The following TRABD2A variants were observed in gnomAD, a reference collection of about 807,000 sequenced individuals.
TRABD2A encodes TraB domain containing 2A.
TRABD2A carries 43 observed loss-of-function variants against 45.6 expected under a neutral mutation model. That is an observed-to-expected ratio of 0.94 (90% CI 0.74 to 1.22). The LOEUF is 1.22. Among genes scored for constraint, TRABD2A ranks in the 50% most tolerant of loss-of-function variants. TRABD2A has a pLI of 0.00. For missense variants in TRABD2A, 642 were observed against 652.4 expected (o/e 0.98, Z 0.17); for synonymous variants, 269 against 265.0 (o/e 1.02, Z -0.15).
At chr2:84,845,296 G>C (rs1018455511) in intron 2 of TRABD2A, among the ~76,000 whole-genome samples, 1 of 152,206 alleles carries the variant, frequency 6.6e-6, no homozygotes, top group African/African-American at 2.4e-5. Context: ...AGGTTGCAGT[G>C]AGCTGAGATT....
chr2:84,855,937 G>A (rs1452323375), intron 2 of TRABD2A, among the ~76,000 whole-genome samples: 4 of 152,070 alleles, frequency 2.6e-5, no homozygotes, highest in Admixed American at 2.0e-4. Flanking sequence ...ATTCCCCTCA[G>A]ATCAAAGACC....
At chr2:84,833,630 A>T (rs1207242685) in intron 4 of TRABD2A, 1 of 152,074 alleles carries the variant, frequency 6.6e-6, no homozygotes, top group African/African-American at 2.4e-5. Flanking sequence ...AGCACACGGT[A>T]ATGTGTTTCG....
At chr2:84,869,176 T>C (rs1204553432) in intron 2 of TRABD2A, among the ~76,000 whole-genome samples, 3 of 152,234 alleles carry the variant, frequency 2.0e-5, no homozygotes, top group African/African-American at 7.2e-5. Context: ...TAGTTCAGTA[T>C]GTCAAGATCT....
chr2:84,843,523 A>C (rs1559088987), intron 2 of TRABD2A: 1 of 152,214 alleles, frequency 6.6e-6, no homozygotes, highest in Non-Finnish European at 1.5e-5. Flanking sequence ...CTACAACAAA[A>C]TGCCTGAGAC....
intron 2 of TRABD2A, among the ~76,000 whole-genome samples, chr2:84,864,846 G>T (rs1222994918): frequency 6.6e-6 from 1 of 152,160 alleles, no homozygotes; most frequent in African/African-American, 2.4e-5. Flanking sequence ...CATCCTCAAA[G>T]AATCTGACCC....
At chr2:84,829,646 C>T (rs989928542) in intron 5 of TRABD2A, among the ~76,000 whole-genome samples, 1 of 150,598 alleles carries the variant, frequency 6.6e-6, no homozygotes. Flanking sequence ...ACGTACACAA[C>T]ACACACATCA....
At chr2:84,840,724 G>A (rs1055288829) in intron 3 of TRABD2A, among the ~76,000 whole-genome samples, 13 of 152,138 alleles carry the variant, frequency 8.5e-5, no homozygotes, top group Non-Finnish European at 1.5e-4. Flanking sequence ...CCCTCAGCAA[G>A]AGTGCAGGTA....
chr2:84,843,474 G>T (rs1042386394), intron 2 of TRABD2A: 2 of 152,208 alleles, frequency 1.3e-5, no homozygotes, highest in African/African-American at 4.8e-5. Flanking sequence ...AGGTGGCACA[G>T]GCCCACTGCG....
At chr2:84,857,524 CATCTGAATGATTATCAACTAT>C (rs1203389405) in intron 2 of TRABD2A, among the ~76,000 whole-genome samples, 2 of 152,198 alleles carry the variant, frequency 1.3e-5, no homozygotes, top group Non-Finnish European at 2.9e-5. Context: ...CTAAGCAGTT[CATCTGAATGATTATCAACTAT>C]ATCAGTTCCA....
chr2:84,837,123 A>G (rs1370177254), intron 4 of TRABD2A: 2 of 150,018 alleles, frequency 1.3e-5, no homozygotes, highest in Non-Finnish European at 2.9e-5. Context: ...CCTCCCAAGT[A>G]GCTGGGATTA....
At chr2:84,859,974 C>G (rs1573943145) in intron 2 of TRABD2A, among the ~76,000 whole-genome samples, 2 of 152,078 alleles carry the variant, frequency 1.3e-5, no homozygotes, top group Admixed American at 1.3e-4. Context: ...CTATGTTGTC[C>G]AGGCTGGTCT....
intron 2 of TRABD2A, among the ~76,000 whole-genome samples, chr2:84,859,570 G>A (rs146122703): frequency 2.7e-4 from 41 of 152,352 alleles, no homozygotes; most frequent in African/African-American, 9.4e-4. Flanking sequence ...CAGACGCTAT[G>A]AGTTCAGGAG....
At chr2:84,876,526 T>C (rs1005325185) in intron 1 of TRABD2A, among the ~76,000 whole-genome samples, 1 of 152,182 alleles carries the variant, frequency 6.6e-6, no homozygotes, top group Admixed American at 6.5e-5. Flanking sequence ...GACCTCTGGA[T>C]TGAGCAACAC....
At chr2:84,857,770 C>G (rs1682364848) in intron 2 of TRABD2A, among the ~76,000 whole-genome samples, 1 of 152,182 alleles carries the variant, frequency 6.6e-6, no homozygotes, top group Non-Finnish European at 1.5e-5. Flanking sequence ...GAGGCAACCT[C>G]CAACACCACT....
chr2:84,826,723 G>A (rs1359358961), intron 5 of TRABD2A, among the ~76,000 whole-genome samples: 3 of 152,088 alleles, frequency 2.0e-5, no homozygotes, highest in Non-Finnish European at 4.4e-5. Flanking sequence ...TAGTAGAGAC[G>A]AGGTTTCACC....
chr2:84,852,003 G>A (rs1278759406), intron 2 of TRABD2A, among the ~76,000 whole-genome samples: 1 of 152,180 alleles, frequency 6.6e-6, no homozygotes, highest in Non-Finnish European at 1.5e-5. Flanking sequence ...CCTTGGCACA[G>A]GCTGTGGAGC....
chr2:84,877,539 AG>A (rs768881579), intron 1 of TRABD2A, among the ~76,000 whole-genome samples: 2 of 152,178 alleles, frequency 1.3e-5, no homozygotes, highest in African/African-American at 2.4e-5. Flanking sequence ...CTGGAGTTGA[AG>A]GTTACAATGA....
chr2:84,828,932 G>T (rs528984927), intron 5 of TRABD2A, among the ~76,000 whole-genome samples: 2 of 152,178 alleles, frequency 1.3e-5, no homozygotes, highest in Non-Finnish European at 2.9e-5. Flanking sequence ...AGAACTGGGG[G>T]TAGTGTGGGT....
In TRABD2A at chr2:84,829,363, A is replaced by AAC. The variant is rs146287038; in HGVS notation, c.1082+2690_1082+2691dup. Reference sequence around the variant, plus strand: ...ATTAGGGAGCCTGGGAACAACCAGCAACACACACACACACACACACACACA... The same window carrying AAC: ...ATTAGGGAGCCTGGGAACAACCAGCAACACACACACACACACACACACACACA... On this transcript the variant is annotated intron_variant, in intron 5 of 6. Coordinates refer to ENST00000409520, the MANE Select transcript of TRABD2A (RefSeq NM_001277053.2). Among the ~76,000 whole-genome samples, 799 of 145,700 alleles carry AAC rather than the reference A, an allele frequency of 5.5e-3. 4 individuals are homozygous for AAC. Among genetic ancestry groups the AAC allele is most frequent in the East Asian group, 0.028 (136 of 4,868 alleles).
Sources: gnomAD v4.1 joint callset for allele counts (sites outside exome capture counted in the v4.1 genomes callset) on GRCh38, gnomAD v4.1.1 for gene constraint, MANE v1.5 for transcripts, NCBI Gene and HGNC (gene_info 2026-07-23, HGNC 2026-07-21) for gene names.